The following GAB1 variants were observed in gnomAD, a reference collection of about 807,000 sequenced individuals.
GAB1 encodes the protein GRB2 associated binding protein 1.
Under a neutral mutation model 66.5 loss-of-function variants are expected in GAB1, and 19 were observed. The ratio of observed to expected loss-of-function variants is 0.29; its 90% CI spans 0.20 to 0.42. GAB1 has a LOEUF of 0.42. Among genes scored for constraint, GAB1 ranks in the 10% least tolerant of loss-of-function variants. GAB1 has a pLI of 1.00. For synonymous variants in GAB1, 294 were observed against 301.4 expected, an observed-to-expected ratio of 0.98 and a Z score of 0.25; for missense variants, 732 against 858.5, an observed-to-expected ratio of 0.85 and a Z score of 1.84.
At chr4:143,346,529 A>T (rs1376567653) in intron 1 of GAB1, among the ~76,000 whole-genome samples, 2 of 152,160 alleles carry the variant, frequency 1.3e-5, no homozygotes, top group Non-Finnish European at 2.9e-5. Flanking sequence ...GAAGTGCTTT[A>T]ATCTTTGACT....
Position 143,440,116 on chromosome 4 carries a change from G to A in GAB1, c.1319G>A (p.Ser440Asn). 1 of 1,614,166 alleles carries A rather than the reference G, an allele frequency of 6.2e-7. No homozygotes were observed. Among genetic ancestry groups the A allele is most frequent in the Non-Finnish European group, 8.5e-7 (1 of 1,180,006 alleles). ...KNVLTVGSVS[S>N]EELDENYVPM... Reference sequence around the variant, plus strand: ...GTGTTGACAGTGGGAAGTGTTTCAAGTGAAGAACTGGATGAAAATTACGTC... The same window carrying A: ...GTGTTGACAGTGGGAAGTGTTTCAAATGAAGAACTGGATGAAAATTACGTC... Residue 440 changes from serine to asparagine, a missense_variant, in exon 6 of 10, where the codon AGT becomes AAT. By Grantham distance (46) the Ser-to-Asn change is conservative. Around this residue, in one of 4 missense-constraint regions of GAB1, gnomAD observed 427 missense variants for 420.6 expected, o/e 1.02. Transcript: ENST00000262994.
chr4:143,412,949 A>G (rs1413047815), intron 1 of GAB1, among the ~76,000 whole-genome samples: 1 of 152,250 alleles, frequency 6.6e-6, no homozygotes, highest in East Asian at 1.9e-4. Flanking sequence ...CACTCTATAC[A>G]GTGCAACAGC....
chr4:143,436,456 A>G (rs1336920999), intron 3 of GAB1, among the ~76,000 whole-genome samples: 1 of 152,190 alleles, frequency 6.6e-6, no homozygotes, highest in African/African-American at 2.4e-5. Context: ...TTGATCTTAT[A>G]GAAGTCTGGT....
chr4:143,466,035 T>A, intron 8 of GAB1, 68 bp from the exon 9 acceptor site: 2 of 1,552,428 alleles, frequency 1.3e-6, no homozygotes, highest in South Asian at 2.4e-5. Context: ...CTTCCGTAGA[T>A]GTTCAACAGT....
intron 2 of GAB1, among the ~76,000 whole-genome samples, chr4:143,418,592 G>C (rs1024431665): frequency 6.6e-6 from 1 of 152,082 alleles, no homozygotes; most frequent in African/African-American, 2.4e-5. Flanking sequence ...TTTGTTTGGG[G>C]GGACATAAGG....
At chr4:143,352,871 G>A (rs965842284) in intron 1 of GAB1, among the ~76,000 whole-genome samples, 1 of 152,188 alleles carries the variant, frequency 6.6e-6, no homozygotes, top group Non-Finnish European at 1.5e-5. Context: ...TGCTTAAAAA[G>A]ATAAGCGTTT....
chr4:143,469,174 G>A lies in GAB1; in HGVS notation c.2070G>A (p.Ala690=), dbSNP rs755218863. Residue 690 remains alanine, a synonymous_variant, in exon 10 of 10, where the codon GCG becomes GCA. Transcript: ENST00000262994. ...AGTCCACAGAATCAGAAACGCCAGCGAAGAGTGTGAAATGAAAATATTGCC... is the reference window on the plus strand; with the variant it reads ...AGTCCACAGAATCAGAAACGCCAGCAAAGAGTGTGAAATGAAAATATTGCC... ...GRQSTESETP[A]KSVK 1.3e-5 allele frequency: 21 copies of A among 1,613,906 alleles called. No individual in the cohort carries two copies. The highest frequency in any genetic ancestry group is 6.7e-5 in the Admixed American group (4 of 59,982).
At chr4:143,385,111 A>C (rs941438487) in intron 1 of GAB1, among the ~76,000 whole-genome samples, 11 of 152,338 alleles carry the variant, frequency 7.2e-5, no homozygotes, top group Admixed American at 4.6e-4. Flanking sequence ...ATAGCTACTT[A>C]GGAGCAGTAT....
chr4:143,457,456 T>A (rs1735252075), intron 6 of GAB1, among the ~76,000 whole-genome samples: 1 of 152,162 alleles, frequency 6.6e-6, no homozygotes, highest in Non-Finnish European at 1.5e-5. Context: ...TCCTTGCTGC[T>A]TACATTGTTG....
chr4:143,391,643 C>A (rs1560736780), intron 1 of GAB1: 1 of 152,154 alleles, frequency 6.6e-6, no homozygotes, highest in Non-Finnish European at 1.5e-5. Flanking sequence ...GTAAAACATT[C>A]ATCTTGGCTT....
At chr4:143,355,159 ACT>A (rs796199566) in intron 1 of GAB1, among the ~76,000 whole-genome samples, 2 of 152,160 alleles carry the variant, frequency 1.3e-5, no homozygotes, top group African/African-American at 2.4e-5. Flanking sequence ...AACATTTTTT[ACT>A]CTTTCTATTC....
At chr4:143,354,513 A>C (rs1000922368) in intron 1 of GAB1, among the ~76,000 whole-genome samples, 1 of 152,140 alleles carries the variant, frequency 6.6e-6, no homozygotes, top group African/African-American at 2.4e-5. Flanking sequence ...AGTTTAAAGT[A>C]TAGAGAAAAA....
At chr4:143,357,098 C>A (rs1452972259) in intron 1 of GAB1, among the ~76,000 whole-genome samples, 3 of 152,014 alleles carry the variant, frequency 2.0e-5, no homozygotes, top group African/African-American at 7.2e-5. Flanking sequence ...AGAATTTAGT[C>A]CTGAAGCTCT....
intron 1 of GAB1, among the ~76,000 whole-genome samples, chr4:143,341,689 A>G (rs1262548810): frequency 6.6e-6 from 1 of 152,216 alleles, no homozygotes; most frequent in Non-Finnish European, 1.5e-5. Flanking sequence ...CTGGACTTCA[A>G]AAACACACCC....
chr4:143,405,888 T>C (rs1732017571), intron 1 of GAB1, among the ~76,000 whole-genome samples: 1 of 151,776 alleles, frequency 6.6e-6, no homozygotes, highest in African/African-American at 2.4e-5. Context: ...CTACTCCAAA[T>C]GGAAAAGATG....
At chr4:143,353,529 C>A (rs1471019799) in intron 1 of GAB1, among the ~76,000 whole-genome samples, 2 of 151,770 alleles carry the variant, frequency 1.3e-5, no homozygotes, top group Admixed American at 6.6e-5. Flanking sequence ...TTAATCCTAG[C>A]AGAGGAATAA....
chr4:143,381,670 TCATTTTGTTGTTAGAGTTCAGTGAAGAC>T (rs1730664050), intron 1 of GAB1, among the ~76,000 whole-genome samples: 1 of 152,134 alleles, frequency 6.6e-6, no homozygotes, highest in Admixed American at 6.6e-5. Flanking sequence ...ATAGGGAGGA[TCATTTTGTTGTTAGAGTTCAGTGAAGAC>T]CGTTTTTTAA....
chr4:143,347,483 G>A (rs1729025963), intron 1 of GAB1, among the ~76,000 whole-genome samples: 1 of 152,194 alleles, frequency 6.6e-6, no homozygotes, highest in South Asian at 2.1e-4. Context: ...TAAGGGAGGT[G>A]AATTGATTAG....
chr4:143,463,439 A>G (rs1489237416), intron 8 of GAB1, among the ~76,000 whole-genome samples: 3 of 152,066 alleles, frequency 2.0e-5, no homozygotes, highest in African/African-American at 7.2e-5. Context: ...CCTGGCCAAC[A>G]TGGATAAACC....
Sources: gnomAD v4.1 joint callset for allele counts (sites outside exome capture counted in the v4.1 genomes callset) on GRCh38, gnomAD v4.1.1 for gene constraint, gnomAD v4.1.1 regional missense constraint, MANE v1.5 for transcripts, NCBI Gene and HGNC (gene_info 2026-07-23, HGNC 2026-07-21) for gene names.